The following AHI1 variants were observed in gnomAD, a reference collection of about 807,000 sequenced individuals.
The protein encoded by AHI1 is Abelson helper integration site 1, also known as jouberin.
A neutral mutation model predicts 149.3 loss-of-function variants in AHI1; 123 were observed. The ratio of observed to expected loss-of-function variants is 0.82; its 90% CI spans 0.71 to 0.96. The LOEUF (loss-of-function observed/expected upper bound fraction) is 0.96. Ranked by LOEUF, AHI1 falls within the 40% of genes least tolerant of loss-of-function variation. The probability of loss-of-function intolerance (pLI) is 0.00; values close to 1 mark genes in which losing one functional copy is unlikely to be tolerated. For synonymous variants in AHI1, 475 were observed against 459.8 expected, an observed-to-expected ratio of 1.03 and a Z score of -0.42; for missense variants, 1,439 against 1,422.7, an observed-to-expected ratio of 1.01 and a Z score of -0.18.
rs375193343 is a variant in AHI1 at position 135,314,203 on chromosome 6, T to C, written c.3426+4316A>G. On this transcript the variant is annotated intron_variant, in intron 26 of 28. Coordinates refer to ENST00000265602, the MANE Select transcript of AHI1 (RefSeq NM_001134831.2). ...TCTCAACAAGATGGTTGTTAGGAGGTATTTGGGAGGTAATTAGGTCTTGAG... is the reference window on the plus strand; with the variant it reads ...TCTCAACAAGATGGTTGTTAGGAGGCATTTGGGAGGTAATTAGGTCTTGAG... Among the ~76,000 whole-genome samples the C allele has an allele frequency of 7.9e-5, 12 of 152,228 alleles. 1 individual carries two copies. Among genetic ancestry groups the C allele is most frequent in the East Asian group, 1.9e-4 (1 of 5,188 alleles).
At chr6:135,436,434 A>G (rs1405152370) in intron 15 of AHI1, among the ~76,000 whole-genome samples, 3 of 152,208 alleles carry the variant, frequency 2.0e-5, no homozygotes, top group African/African-American at 7.2e-5. Flanking sequence ...CAACCTCTGA[A>G]GAAAGAAGTT....
chr6:135,394,994 C>T, intron 22 of AHI1, 98 bp from the exon 23 acceptor site: 1 of 1,258,934 alleles, frequency 7.9e-7, no homozygotes. Flanking sequence ...CAAACCAGGA[C>T]ACATGATAGG....
At chr6:135,332,588 T>A (rs1412020208) in intron 24 of AHI1, among the ~76,000 whole-genome samples, 2 of 152,226 alleles carry the variant, frequency 1.3e-5, no homozygotes, top group Non-Finnish European at 2.9e-5. Context: ...TTCTATGTCA[T>A]CAAACCAAAA....
chr6:135,321,168 T>C (rs888924219), intron 25 of AHI1, among the ~76,000 whole-genome samples: 3 of 151,896 alleles, frequency 2.0e-5, no homozygotes, highest in Admixed American at 6.6e-5. Context: ...GAGGCTGAGA[T>C]GGGAGGACTG....
chr6:135,474,805 G>A (rs1312936522), intron 5 of AHI1, among the ~76,000 whole-genome samples: 1 of 152,150 alleles, frequency 6.6e-6, no homozygotes, highest in Non-Finnish European at 1.5e-5. Context: ...CTTTTCATAA[G>A]ATTGATTTTC....
Position 135,428,626 on chromosome 6 carries a change from C to CA in AHI1, c.2623+2dup. 9 of 1,596,238 alleles carry CA rather than the reference C, an allele frequency of 5.6e-6. No individual in the cohort carries two copies. Among genetic ancestry groups the CA allele is most frequent in the Non-Finnish European group, 7.7e-6 (9 of 1,170,878 alleles). On this transcript the variant is annotated splice_region_variant and intron_variant, in intron 19 of 28. Coordinates refer to ENST00000265602, the MANE Select transcript of AHI1 (RefSeq NM_001134831.2). ...TGATTTTTAAAGTTCAATAAACATT[C>CA]ACCTGTTTCTGGGTTCCAAACATAC...
At chr6:135,478,829 T>A (rs967925904) in intron 5 of AHI1, among the ~76,000 whole-genome samples, 4 of 152,238 alleles carry the variant, frequency 2.6e-5, no homozygotes, top group Admixed American at 2.6e-4. Flanking sequence ...AAAAATGGTT[T>A]CATGGGCCAG....
At chr6:135,335,930 T>C (rs574383009) in intron 24 of AHI1, among the ~76,000 whole-genome samples, 1 of 151,950 alleles carries the variant, frequency 6.6e-6, no homozygotes, top group Admixed American at 6.6e-5. Flanking sequence ...CTGGCCAACA[T>C]GGTGAAACCC....
chr6:135,382,954 T>TATATATAC (rs770394314), intron 23 of AHI1, among the ~76,000 whole-genome samples: 25 of 100,020 alleles, frequency 2.5e-4, no homozygotes, highest in African/African-American at 1.0e-3. Context: ...TATATATATA[T>TATATATAC]ACATATAAAA....
chr6:135,466,997 TC>T (rs1399181936), intron 6 of AHI1, among the ~76,000 whole-genome samples: 2 of 151,658 alleles, frequency 1.3e-5, no homozygotes, highest in Non-Finnish European at 2.9e-5. Flanking sequence ...AGGATAAGAG[TC>T]AAGTAATACA....
At chr6:135,451,833 A>G (rs879360076) in intron 11 of AHI1, among the ~76,000 whole-genome samples, 10 of 149,864 alleles carry the variant, frequency 6.7e-5, no homozygotes, top group Non-Finnish European at 1.3e-4. Context: ...TGTGAAAGTG[A>G]GTTTTTTGCT....
chr6:135,375,426 A>T (rs764079932), intron 23 of AHI1, among the ~76,000 whole-genome samples: 76 of 152,354 alleles, frequency 5.0e-4, no homozygotes, highest in African/African-American at 1.8e-3. Context: ...AACAGAATAG[A>T]TTAAAATGTT....
chr6:135,380,289 A>T (rs1036903157), intron 23 of AHI1, among the ~76,000 whole-genome samples: 4 of 152,054 alleles, frequency 2.6e-5, no homozygotes, highest in Non-Finnish European at 4.4e-5. Context: ...TAATGAACAC[A>T]TAGACTTTTT....
At chr6:135,386,080 C>T (rs1026403705) in intron 23 of AHI1, among the ~76,000 whole-genome samples, 2 of 152,166 alleles carry the variant, frequency 1.3e-5, no homozygotes, top group Non-Finnish European at 1.5e-5. Context: ...ACAACTAGCA[C>T]AAAACATATC....
rs1439479391 is a variant in AHI1, at chr6:135,463,215, C to A, written c.841G>T (p.Glu281Ter). The A allele has an allele frequency of 3.7e-6, 6 of 1,609,916 alleles. No homozygotes were observed. In the East Asian group the frequency reaches 1.3e-4, roughly 36 times the overall value. The change falls in exon 8 of 29, where the codon GAA becomes TAA. Residue 281 changes from glutamate (E) to a stop codon, truncating the protein, a stop_gained. Transcript: ENST00000265602. LOFTEE classifies it high-confidence loss of function. ...SVSSDSHQDD[E>*]ISSMEQSTED... Reference sequence around the variant, plus strand: ...GTGCTTTGTTCCATTGAGCTTATTTCATCATCTTGATGAGAATCTGAAGAA... The same window carrying A: ...GTGCTTTGTTCCATTGAGCTTATTTAATCATCTTGATGAGAATCTGAAGAA...
rs367868000 is a variant in AHI1, at chr6:135,442,502, A to G, written c.1912+80T>C. 42 of 1,419,010 alleles carry G rather than the reference A, an allele frequency of 3.0e-5. 1 individual carries two copies. The highest frequency in any genetic ancestry group is 1.2e-4 in the East Asian group (5 of 40,026). The allele number at this position is 1,419,010 out of a possible 1,614,324, so 87.9% of individuals were successfully genotyped here. On this transcript the variant is annotated intron_variant, in intron 14 of 28. Transcript: ENST00000265602. ...AGTACAGGGGATTACTCAAGTTAAG[A>G]TTTCCATGAATTTAAAAAAACTAAA...
intron 10 of AHI1, among the ~76,000 whole-genome samples, chr6:135,454,570 A>G (rs1788622054): frequency 6.6e-6 from 1 of 152,162 alleles, no homozygotes. Flanking sequence ...CTAAGAGTAA[A>G]ATAATGGTTT....
chr6:135,462,244 T>A (rs934755198), intron 8 of AHI1, among the ~76,000 whole-genome samples: 1 of 151,994 alleles, frequency 6.6e-6, no homozygotes. Flanking sequence ...TTAATCCCAA[T>A]TTTTGGCCAA....
rs370340493 is a variant in AHI1 at position 135,394,817 on chromosome 6, G to A, written c.3068C>T (p.Thr1023Ile). ...AAACTGATGTAGAATCTCTTGAGCG[G>A]TCAGCATGTTTGACTGCTTTAACTT... ...QSKLKQSNML[T>I]AQEILHQFGF... The change falls in exon 23 of 29, where the codon ACC (threonine) becomes ATC (isoleucine). Residue 1023 changes from threonine to isoleucine, a missense_variant. Transcript: ENST00000265602. 22 of 1,609,284 alleles carry A rather than the reference G, an allele frequency of 1.4e-5. No homozygotes were observed. The African/African-American group carries it at 2.8e-4, about 21-fold the overall frequency.
Sources: gnomAD v4.1 joint callset for allele counts (sites outside exome capture counted in the v4.1 genomes callset) on GRCh38, gnomAD v4.1.1 for gene constraint, MANE v1.5 for transcripts, NCBI Gene and HGNC (gene_info 2026-07-23, HGNC 2026-07-21) for gene names.